PCDHGB7: variants seen among roughly 807,000 people sequenced by gnomAD.
The protein encoded by PCDHGB7 is protocadherin gamma-B7.
PCDHGB7 carries 37 observed loss-of-function variants against 61.4 expected under a neutral mutation model. The observed-to-expected ratio is 0.60, with a 90% confidence interval of 0.46 to 0.79. PCDHGB7 has a LOEUF of 0.79. Ranked by LOEUF, PCDHGB7 falls within the 30% of genes least tolerant of loss-of-function variation. PCDHGB7 has a pLI of 0.00. For missense variants in PCDHGB7, 1,166 were observed against 1,202.5 expected, an observed-to-expected ratio of 0.97 and a Z score of 0.45; for synonymous variants, 464 against 503.5, an observed-to-expected ratio of 0.92 and a Z score of 1.05.
At position 141,489,078 on chromosome 5, in the gene PCDHGB7, G is replaced by A. The variant is rs990356560; in HGVS notation, c.2416-5729G>A. ...GCTCCCCTCCCCCCTGCCCACCCCC[G>A]CCACTCGGTGACTAAGAACTGCTGC... On this transcript the variant is annotated intron_variant, in intron 1 of 3. Transcript: ENST00000398594. The surrounding 1 kb of genome is among the most constrained non-coding windows in gnomAD (Gnocchi z 4.5). 6.9e-5 allele frequency: 11 copies of A among 160,224 alleles called. 1 individual carries two copies. Among genetic ancestry groups the A allele is most frequent in the Admixed American group, 3.7e-4 (4 of 10,708 alleles). The allele number at this position is 160,224 out of a possible 1,614,324, so 9.9% of individuals were successfully genotyped here.
At chr5:141,506,103 C>T (rs1001709380) in intron 3 of PCDHGB7, among the ~76,000 whole-genome samples, 2 of 152,144 alleles carry the variant, frequency 1.3e-5, no homozygotes, top group Admixed American at 1.3e-4. Context: ...GTGGTTGTCC[C>T]TGAAGAGTCA....
chr5:141,437,306 C>T (rs1462689998), intron 1 of PCDHGB7, among the ~76,000 whole-genome samples: 1 of 152,104 alleles, frequency 6.6e-6, no homozygotes, highest in Non-Finnish European at 1.5e-5. Flanking sequence ...CAAGTTAAAG[C>T]GTTCAGCTAT....
chr5:141,500,618 C>T (rs554274946), intron 2 of PCDHGB7, among the ~76,000 whole-genome samples: 1 of 152,262 alleles, frequency 6.6e-6, no homozygotes, highest in South Asian at 2.1e-4. Flanking sequence ...CCCAGTCATA[C>T]GGTACATTTC....
chr5:141,464,394 G>A (rs1277856342), intron 1 of PCDHGB7, among the ~76,000 whole-genome samples: 1 of 150,654 alleles, frequency 6.6e-6, no homozygotes. Context: ...TGCTAATGAA[G>A]AACCTGAGAT....
At chr5:141,469,770 A>G (rs1003620088) in intron 1 of PCDHGB7, among the ~76,000 whole-genome samples, 4 of 152,234 alleles carry the variant, frequency 2.6e-5, no homozygotes, top group Non-Finnish European at 5.9e-5. Flanking sequence ...ATACCAGCTT[A>G]TTTATTACAG....
At chr5:141,484,311 C>T (rs1234690996) in intron 1 of PCDHGB7, among the ~76,000 whole-genome samples, 2 of 152,196 alleles carry the variant, frequency 1.3e-5, no homozygotes, top group African/African-American at 4.8e-5. Flanking sequence ...CTCCACCCCG[C>T]TTCCATACTG....
In PCDHGB7 at chr5:141,486,001, C is replaced by T. The variant is rs771993915; in HGVS notation, c.2416-8806C>T. ...ACCCGGACCTGGGTCCCAGTGGTAA[C>T]GTCACCTTTTATTTCAGTGGTCATA... On this transcript the variant is annotated intron_variant, in intron 1 of 3. Coordinates refer to ENST00000398594, the MANE Select transcript of PCDHGB7 (RefSeq NM_018927.4). This position sits in a 1 kb window ranked among gnomAD's most constrained non-coding sequence, Gnocchi z 5.0. The T allele has an allele frequency of 2.5e-6, 4 of 1,614,076 alleles. No homozygotes were observed. The highest frequency in any genetic ancestry group is 8.5e-7 in the Non-Finnish European group (1 of 1,180,032).
intron 1 of PCDHGB7, among the ~76,000 whole-genome samples, chr5:141,473,916 A>T (rs1014065718): frequency 2.6e-5 from 4 of 152,162 alleles, no homozygotes; most frequent in Non-Finnish European, 4.4e-5. Flanking sequence ...TCTTAAGAAA[A>T]CTATGAGCTG....
rs747917835 is a variant in PCDHGB7 at position 141,487,659 on chromosome 5, AT to A, written c.2416-7147del. 3.7e-6 allele frequency: 6 copies of A among 1,613,466 alleles called. No homozygotes were observed. Among genetic ancestry groups the A allele is most frequent in the Non-Finnish European group, 5.1e-6 (6 of 1,179,716 alleles). On this transcript the variant is annotated intron_variant, in intron 1 of 3. Coordinates refer to ENST00000398594, the MANE Select transcript of PCDHGB7 (RefSeq NM_018927.4). This position sits in a 1 kb window ranked among gnomAD's most constrained non-coding sequence, Gnocchi z 5.0. ...CAACAAATGCTTGAGGGTTATTCTGATCCAGGCATATGGCTAGGCCATGTCC... is the reference window on the plus strand; with the variant it reads ...CAACAAATGCTTGAGGGTTATTCTGACCAGGCATATGGCTAGGCCATGTCC...
At chr5:141,424,491 G>T (rs2096824224) in intron 1 of PCDHGB7, 1 of 152,122 alleles carries the variant, frequency 6.6e-6, no homozygotes, top group South Asian at 2.1e-4. Context: ...GTCTGTGTTT[G>T]TATGTATGGA....
chr5:141,448,421 A>G (rs1380029405), intron 1 of PCDHGB7, among the ~76,000 whole-genome samples: 1 of 152,132 alleles, frequency 6.6e-6, no homozygotes, highest in Non-Finnish European at 1.5e-5. Flanking sequence ...ACAATATACT[A>G]TGTATATATT....
intron 1 of PCDHGB7, among the ~76,000 whole-genome samples, chr5:141,460,628 G>C (rs2098993821): frequency 6.6e-6 from 1 of 151,958 alleles, no homozygotes; most frequent in African/African-American, 2.4e-5. Flanking sequence ...GACAGATACA[G>C]ATATATAACT....
intron 1 of PCDHGB7, among the ~76,000 whole-genome samples, chr5:141,434,888 C>T (rs1287540129): frequency 6.6e-6 from 1 of 150,944 alleles, no homozygotes; most frequent in Non-Finnish European, 1.5e-5. Flanking sequence ...AACAACAATC[C>T]AGTCCCCTTC....
rs767107885 is a variant in PCDHGB7, at chr5:141,423,138, C to T, written c.2415+2864C>T. ...CAGCGCGGGCACTGCTGGACAGAGA[C>T]GCGCTCAAGCAGAGCCTCGTGGTGG... On this transcript the variant is annotated intron_variant, in intron 1 of 3. Transcript: ENST00000398594. 2.5e-6 allele frequency: 4 copies of T among 1,613,606 alleles called. 1 individual carries two copies. The highest frequency in any genetic ancestry group is 3.4e-6 in the Non-Finnish European group (4 of 1,179,912).
rs1391608601 is a variant in PCDHGB7 at position 141,511,893 on chromosome 5, A to G, written c.*720A>G. The G allele has an allele frequency of 6.4e-6, 1 of 155,062 alleles. No homozygotes were observed. Among genetic ancestry groups the G allele is most frequent in the East Asian group, 1.9e-4 (1 of 5,240 alleles). 9.6% of individuals were successfully genotyped at this position (155,062 alleles called of 1,614,324 possible). A position where few individuals can be genotyped will look rare whatever the true frequency, so the allele number is the denominator to read the frequency against. On this transcript the variant is annotated 3_prime_UTR_variant, in exon 4 of 4. Transcript: ENST00000398594. ...TCCACTGCATGCCTTGACTTCCCCC[A>G]CCTCCTCCTCAAACAAGAGACTCCA...
At chr5:141,494,783 C>G (rs2099756910) in intron 1 of PCDHGB7, 24 bp from the exon 2 acceptor site, 2 of 1,613,964 alleles carry the variant, frequency 1.2e-6, no homozygotes, top group Admixed American at 3.3e-5. Context: ...GTACTCAGCC[C>G]CTTTCCCTCT....
chr5:141,511,641 A>C lies in PCDHGB7; in HGVS notation c.*468A>C. On this transcript the variant is annotated 3_prime_UTR_variant, in exon 4 of 4. Transcript: ENST00000398594. ...TCTGAAAAGTTGGAAGGGCATCATG[A>C]CCTCTTGGCCTCTCCTTTGATTCTC... 1 of 224,930 alleles carries C rather than the reference A, an allele frequency of 4.4e-6. No homozygotes were observed. The allele number at this position is 224,930 out of a possible 1,614,324, so 13.9% of individuals were successfully genotyped here. A position where few individuals can be genotyped will look rare whatever the true frequency, so the allele number is the denominator to read the frequency against.
chr5:141,468,330 CAA>C lies in PCDHGB7; in HGVS notation c.2416-26459_2416-26458del, dbSNP rs533390277. 202 of 79,822 alleles carry C rather than the reference CAA, an allele frequency of 2.5e-3. 2 individuals are homozygous for C. The highest frequency in any genetic ancestry group is 7.9e-3 in the Middle Eastern group (1 of 126). The allele number at this position is 79,822 out of a possible 1,614,324, so 4.9% of individuals were successfully genotyped here. Reference sequence around the variant, plus strand: ...ACAAGAGCAACGGTAAACTCCATCTCAAAAAAAAAAAAAAAAAAAGAAAGAAA... The same window carrying C: ...ACAAGAGCAACGGTAAACTCCATCTCAAAAAAAAAAAAAAAAAGAAAGAAA... On this transcript the variant is annotated intron_variant, in intron 1 of 3. Transcript: ENST00000398594.
In PCDHGB7 at chr5:141,487,460, G is replaced by T; in HGVS notation, c.2416-7347G>T. ...AGGGTCAGATGACCCTATCAAGTTT[G>T]TTGATGTGGGAGGCCACTCTCATGG... On this transcript the variant is annotated intron_variant, in intron 1 of 3. Transcript: ENST00000398594. The surrounding 1 kb of genome is among the most constrained non-coding windows in gnomAD (Gnocchi z 5.0). 1 of 1,614,170 alleles carries T rather than the reference G, an allele frequency of 6.2e-7. No individual in the cohort carries two copies. Among genetic ancestry groups the T allele is most frequent in the Non-Finnish European group, 8.5e-7 (1 of 1,180,024 alleles).
Sources: allele counts gnomAD v4.1 joint callset (sites outside exome capture counted in the v4.1 genomes callset), GRCh38; gene constraint gnomAD v4.1.1; non-coding constraint Gnocchi (gnomAD v3.1); transcripts MANE v1.5; gene names NCBI Gene and HGNC (gene_info 2026-07-23, HGNC 2026-07-21).